The following ARMH3 variants were observed in gnomAD, a reference collection of about 807,000 sequenced individuals.
ARMH3 encodes armadillo like helical domain containing 3.
Under a neutral mutation model 99.1 loss-of-function variants are expected in ARMH3, and 60 were observed. The observed-to-expected ratio is 0.61, with a 90% confidence interval of 0.49 to 0.75. The LOEUF (loss-of-function observed/expected upper bound fraction) is 0.75. ARMH3 is among the 30% of genes least tolerant of loss of function. The pLI, the probability that ARMH3 is intolerant of heterozygous loss-of-function variation, is 0.00. For missense variants in ARMH3, 679 were observed against 843.1 expected (o/e 0.81, Z 2.41); for synonymous variants, 285 against 292.8 (o/e 0.97, Z 0.27).
In ARMH3 at chr10:101,845,711, T is replaced by C. The variant is rs1482695155; in HGVS notation, c.*1817A>G. ...ACACTAAATGCCCCAGGCTGAGCTA[T>C]CCATCCAGTGATCAGATGACCCAGC... On this transcript the variant is annotated 3_prime_UTR_variant, in exon 26 of 26. Coordinates refer to ENST00000370033, the MANE Select transcript of ARMH3 (RefSeq NM_024541.3). 1 of 152,340 alleles carries C rather than the reference T, an allele frequency of 6.6e-6. No homozygotes were observed. The highest frequency in any genetic ancestry group is 2.4e-5 in the African/African-American group (1 of 41,584). 9.4% of individuals were successfully genotyped at this position (152,340 alleles called of 1,614,324 possible).
intron 24 of ARMH3, among the ~76,000 whole-genome samples, 180 bp downstream of exon 24, chr10:101,889,232 G>A (rs749329758): frequency 2.0e-5 from 3 of 152,100 alleles, no homozygotes; most frequent in African/African-American, 4.8e-5. Flanking sequence ...TGGCACAAAC[G>A]CAGACAGCAT....
chr10:101,938,887 C>T (rs576214696), intron 23 of ARMH3, among the ~76,000 whole-genome samples: 4 of 152,338 alleles, frequency 2.6e-5, no homozygotes, highest in African/African-American at 9.6e-5. Flanking sequence ...GCTCCCTCAT[C>T]CCAGCCCTCT....
rs973350523 is a variant in ARMH3, at chr10:102,031,542, T to C, written c.306+1484A>G. Among the ~76,000 whole-genome samples, 6 of 152,354 alleles carry C rather than the reference T, an allele frequency of 3.9e-5. No homozygotes were observed. In the East Asian group the frequency reaches 7.7e-4, roughly 20 times the overall value. On this transcript the variant is annotated intron_variant, in intron 4 of 25. Transcript: ENST00000370033. ...GCTACAACTTAAAAGGTGGAACTTA[T>C]TGTGCCAAAAGTTAACAAAGCTATA...
At chr10:101,861,122 A>T (rs2066855088) in intron 24 of ARMH3, among the ~76,000 whole-genome samples, 1 of 152,218 alleles carries the variant, frequency 6.6e-6, no homozygotes, top group Non-Finnish European at 1.5e-5. Context: ...ACCCATTAAC[A>T]TAATAAAGAG....
At chr10:101,880,666 A>G (rs1002976780) in intron 24 of ARMH3, among the ~76,000 whole-genome samples, 7 of 152,014 alleles carry the variant, frequency 4.6e-5, no homozygotes, top group African/African-American at 1.7e-4. Flanking sequence ...CCGGCCCCCC[A>G]GCAATTGTTA....
intron 20 of ARMH3, among the ~76,000 whole-genome samples, chr10:101,972,779 G>C (rs1845828487): frequency 6.6e-6 from 1 of 152,194 alleles, no homozygotes; most frequent in Non-Finnish European, 1.5e-5. Context: ...CGTCAACTTA[G>C]CAGAGAACTC....
At position 102,033,331 on chromosome 10, in the gene ARMH3, G is replaced by A. The variant is rs150057636; in HGVS notation, c.111C>T (p.Asp37=). The A allele has an allele frequency of 5.0e-6, 8 of 1,614,010 alleles. No homozygotes were observed. The highest frequency in any genetic ancestry group is 1.3e-5 in the African/African-American group (1 of 75,016). ...LMYDEIFMTE[D]PSKCSPRFWE... ...AAAACCGAGGACTGCACTTACTGGG[G>A]TCCTCTGTCTGAAACCAGAATATAA... Residue 37 remains aspartate (D), a synonymous_variant, in exon 3 of 26, where the codon GAC becomes GAT. Coordinates refer to ENST00000370033, the MANE Select transcript of ARMH3 (RefSeq NM_024541.3).
At chr10:101,892,272 T>C (rs1191434863) in intron 23 of ARMH3, among the ~76,000 whole-genome samples, 1 of 151,118 alleles carries the variant, frequency 6.6e-6, no homozygotes, top group Non-Finnish European at 1.5e-5. Context: ...TGGTGAGACC[T>C]TGTCTCTACA....
chr10:102,027,228 G>A lies in ARMH3; in HGVS notation c.415-1980C>T, dbSNP rs75363785. Among the ~76,000 whole-genome samples the A allele has an allele frequency of 4.1e-4, 61 of 148,450 alleles. No homozygotes were observed. In the East Asian group the frequency reaches 4.6e-3, roughly 11 times the overall value. On this transcript the variant is annotated intron_variant, in intron 5 of 25. Transcript: ENST00000370033. ...CAGGACAGGGAGGTTGCAGTGAGCC[G>A]AGATTGCACCACTGGACTCCAGCCT...
chr10:102,009,230 A>G, intron 13 of ARMH3, 144 bp downstream of exon 13: 1 of 723,356 alleles, frequency 1.4e-6, no homozygotes, highest in East Asian at 2.5e-5. Flanking sequence ...CAGGAAACAA[A>G]GGCAACTGAT....
intron 23 of ARMH3, among the ~76,000 whole-genome samples, chr10:101,905,665 CAACA>C (rs1161284158): frequency 3.9e-5 from 6 of 152,212 alleles, no homozygotes; most frequent in African/African-American, 9.6e-5. Context: ...GGGAGAGTGA[CAACA>C]AATAAGGCTA....
At chr10:101,916,222 T>TG (rs957454179) in intron 23 of ARMH3, among the ~76,000 whole-genome samples, 3 of 152,102 alleles carry the variant, frequency 2.0e-5, no homozygotes, top group African/African-American at 7.2e-5. Flanking sequence ...ATCCATAAAG[T>TG]GGGGAAATGA....
At chr10:101,956,949 A>T (rs1845068060) in intron 21 of ARMH3, among the ~76,000 whole-genome samples, 1 of 152,220 alleles carries the variant, frequency 6.6e-6, no homozygotes, top group Non-Finnish European at 1.5e-5. Flanking sequence ...TTAAAAACTT[A>T]TCACTTCCTA....
At chr10:102,041,277 C>T (rs1424372755) in intron 1 of ARMH3, among the ~76,000 whole-genome samples, 3 of 151,278 alleles carry the variant, frequency 2.0e-5, no homozygotes, top group African/African-American at 4.9e-5. Flanking sequence ...TGCGAATTTA[C>T]ACATATTCCC....
chr10:101,981,441 T>A (rs145733068), intron 19 of ARMH3, among the ~76,000 whole-genome samples: 485 of 151,416 alleles, frequency 3.2e-3, no homozygotes, highest in Middle Eastern at 0.01. Context: ...CTGGCCAACA[T>A]AGTGATAGCC....
chr10:102,022,871 TG>T (rs1299775098), intron 8 of ARMH3, among the ~76,000 whole-genome samples: 1 of 145,574 alleles, frequency 6.9e-6, no homozygotes, highest in Non-Finnish European at 1.5e-5. Flanking sequence ...TGAGCCACCG[TG>T]CCCGGCCGAA....
intron 21 of ARMH3, 34 bp from the exon 22 acceptor site, chr10:101,956,757 C>A (rs756537139): frequency 2.5e-6 from 4 of 1,607,854 alleles, no homozygotes; most frequent in Non-Finnish European, 2.6e-6. Context: ...ATATAGGCAT[C>A]AGGCTATGAA....
chr10:101,998,864 C>A (rs2066279082), intron 15 of ARMH3, among the ~76,000 whole-genome samples: 1 of 152,216 alleles, frequency 6.6e-6, no homozygotes, highest in South Asian at 2.1e-4. Context: ...TCTCTCCTCA[C>A]AGAAAGTAAA....
chr10:101,995,391 T>C (rs1012986374), intron 15 of ARMH3, 36 bp from the exon 16 acceptor site: 1 of 1,538,374 alleles, frequency 6.5e-7, no homozygotes, highest in African/African-American at 1.4e-5. Context: ...CTGTAAATCA[T>C]CCAGATTTAC....
Sources: allele counts gnomAD v4.1 joint callset (sites outside exome capture counted in the v4.1 genomes callset), GRCh38; gene constraint gnomAD v4.1.1; transcripts MANE v1.5; gene names NCBI Gene and HGNC (gene_info 2026-07-23, HGNC 2026-07-21).